KLF12: variants seen among roughly 807,000 people sequenced by gnomAD.
The protein encoded by KLF12 is Krueppel-like factor 12.
Under a neutral mutation model 37.8 loss-of-function variants are expected in KLF12, and 9 were observed. That is an observed-to-expected ratio of 0.24 (90% CI 0.14 to 0.42). KLF12 has a LOEUF of 0.42. Among genes scored for constraint, KLF12 ranks in the 10% least tolerant of loss-of-function variants. KLF12 has a pLI of 1.00. For synonymous variants in KLF12, 208 were observed against 202.1 expected (o/e 1.03, Z -0.25); for missense variants, 411 against 516.0 (o/e 0.80, Z 1.97).
At chr13:73,943,345 T>G (rs1444046884) in intron 3 of KLF12, among the ~76,000 whole-genome samples, 1 of 152,156 alleles carries the variant, frequency 6.6e-6, no homozygotes, top group Non-Finnish European at 1.5e-5. Flanking sequence ...ACTAAACCAG[T>G]GAAGCCATAA....
At chr13:73,741,225 C>T (rs865871816) in intron 6 of KLF12, among the ~76,000 whole-genome samples, 3 of 152,050 alleles carry the variant, frequency 2.0e-5, no homozygotes, top group East Asian at 1.9e-4. Flanking sequence ...TTAGATGAAA[C>T]ACGTCGATGT....
intron 1 of KLF12, among the ~76,000 whole-genome samples, chr13:74,114,458 T>C (rs1357792491): frequency 6.6e-6 from 1 of 152,212 alleles, no homozygotes; most frequent in Non-Finnish European, 1.5e-5. Context: ...ATATTTGCTT[T>C]ATTGTAGTGG....
intron 1 of KLF12, among the ~76,000 whole-genome samples, chr13:74,125,376 T>C (rs1417217003): frequency 6.6e-6 from 1 of 152,112 alleles, no homozygotes; most frequent in Non-Finnish European, 1.5e-5. Context: ...CCTTACATTA[T>C]AATGTGCCAC....
In KLF12 at chr13:73,724,978, C is replaced by CA. The variant is rs368748540; in HGVS notation, c.870-9454_870-9453insT. Reference sequence around the variant, plus strand: ...TAGAACTACACACTTACGCTATTTCCTTTTTTTTGCTTTGGCTGCTAGAAA... The same window carrying CA: ...TAGAACTACACACTTACGCTATTTCCATTTTTTTTGCTTTGGCTGCTAGAAA... On this transcript the variant is annotated intron_variant, in intron 6 of 7. Transcript: ENST00000377669. Among the ~76,000 whole-genome samples, 514 of 152,016 alleles carry CA rather than the reference C, an allele frequency of 3.4e-3. 6 individuals are homozygous for CA. The highest frequency in any genetic ancestry group is 0.012 in the African/African-American group (498 of 41,480).
chr13:74,072,088 T>C (rs1874287092), intron 1 of KLF12, among the ~76,000 whole-genome samples: 1 of 151,828 alleles, frequency 6.6e-6, no homozygotes, highest in South Asian at 2.1e-4. Context: ...ACAAAAGAAA[T>C]TTTAACTAGA....
Position 73,959,124 on chromosome 13 carries a change from C to CAAAAAAAAAAAAAAAAAAAAAA in KLF12, c.34-15055_34-15054insTTTTTTTTTTTTTTTTTTTTTT, listed in dbSNP as rs66521656. ...ATCTCTGACCTCCACACCCCCCTTC[C>CAAAAAAAAAAAAAAAAAAAAAA]AAAAAAAAACGCAGGCAAGAAAGAC... is the stretch of plus-strand genomic sequence containing the variant. On this transcript the variant is annotated intron_variant, in intron 2 of 7. Transcript: ENST00000377669. Among the ~76,000 whole-genome samples the CAAAAAAAAAAAAAAAAAAAAAA allele has an allele frequency of 2.9e-4, 25 of 86,878 alleles. 4 individuals are homozygous for CAAAAAAAAAAAAAAAAAAAAAA. The highest frequency in any genetic ancestry group is 3.9e-4 in the Non-Finnish European group (16 of 41,174). The allele number at this position is 86,878 out of a possible 152,430, so 57.0% of individuals were successfully genotyped here.
At chr13:74,176,449 T>C in the KLF12 span, among the ~76,000 whole-genome samples, 3 of 152,196 alleles carry the variant, frequency 2.0e-5, no homozygotes, top group Admixed American at 2.0e-4. Flanking sequence ...AGCCTCATGG[T>C]GCCCTGTCTT....
chr13:74,213,525 C>T, the KLF12 span, among the ~76,000 whole-genome samples: 18 of 151,818 alleles, frequency 1.2e-4, 1 homozygote, highest in Admixed American at 1.2e-3. Context: ...CAGATTATTT[C>T]CTTTAACTGG....
chr13:73,757,901 T>C, intron 6 of KLF12, among the ~76,000 whole-genome samples: 1 of 152,324 alleles, frequency 6.6e-6, no homozygotes, highest in Admixed American at 6.5e-5. Context: ...TTCTTCATTT[T>C]AAGTTGATAT....
intron 3 of KLF12, among the ~76,000 whole-genome samples, chr13:73,899,242 C>T (rs1276691862): frequency 1.3e-5 from 2 of 152,192 alleles, no homozygotes; most frequent in African/African-American, 2.4e-5. Flanking sequence ...GGAAACACCA[C>T]ATCACTAAGG....
intron 3 of KLF12, among the ~76,000 whole-genome samples, chr13:73,937,942 A>T (rs549682670): frequency 1.3e-5 from 2 of 152,382 alleles, no homozygotes; most frequent in African/African-American, 4.8e-5. Flanking sequence ...CATTAGCCAT[A>T]ACACAGCAAC....
intron 5 of KLF12, among the ~76,000 whole-genome samples, chr13:73,803,272 T>A (rs1480151437): frequency 6.6e-6 from 1 of 152,206 alleles, no homozygotes; most frequent in African/African-American, 2.4e-5. Context: ...ATGAATCTTC[T>A]TCAGTTGGTC....
the KLF12 span, among the ~76,000 whole-genome samples, chr13:74,158,708 T>G: frequency 4.0e-5 from 6 of 151,650 alleles, no homozygotes; most frequent in Non-Finnish European, 4.4e-5. Context: ...TAATGTGGGG[T>G]GGGGATAAAA....
At chr13:74,202,229 A>G in the KLF12 span, among the ~76,000 whole-genome samples, 1 of 152,162 alleles carries the variant, frequency 6.6e-6, no homozygotes, top group Non-Finnish European at 1.5e-5. Flanking sequence ...AGGGAGAAAG[A>G]CACAGAGGGA....
At chr13:74,275,973 A>G in the KLF12 span, among the ~76,000 whole-genome samples, 1 of 130,348 alleles carries the variant, frequency 7.7e-6, no homozygotes, top group Non-Finnish European at 1.7e-5. Context: ...TTTTTACTTT[A>G]CTTTAAGTCC....
At chr13:74,204,759 A>G in the KLF12 span, among the ~76,000 whole-genome samples, 8 of 152,272 alleles carry the variant, frequency 5.3e-5, no homozygotes, top group Admixed American at 4.6e-4. Flanking sequence ...TCTGCATGGC[A>G]TCTGAAGGGA....
intron 1 of KLF12, among the ~76,000 whole-genome samples, chr13:74,014,331 C>T (rs1892634108): frequency 6.6e-6 from 1 of 152,122 alleles, no homozygotes; most frequent in African/African-American, 2.4e-5. Flanking sequence ...CTATGTCCTG[C>T]GTTTGTTTAC....
intron 1 of KLF12, among the ~76,000 whole-genome samples, chr13:74,039,264 C>G (rs1893340196): frequency 6.6e-6 from 1 of 152,102 alleles, no homozygotes. Flanking sequence ...CTCAGCTGGG[C>G]ACAGTGGCTC....
chr13:74,100,153 T>C (rs1345823406), intron 1 of KLF12, among the ~76,000 whole-genome samples: 2 of 151,872 alleles, frequency 1.3e-5, no homozygotes, highest in Non-Finnish European at 1.5e-5. Context: ...GCAGATGAGA[T>C]AGGGAAAATA....
Sources: allele counts gnomAD v4.1 joint callset (sites outside exome capture counted in the v4.1 genomes callset), GRCh38; gene constraint gnomAD v4.1.1; transcripts MANE v1.5; gene names NCBI Gene and HGNC (gene_info 2026-07-23, HGNC 2026-07-21).